Variants in RCAN2 observed in about 807,000 individuals in gnomAD.
The protein encoded by RCAN2 is regulator of calcineurin 2.
In RCAN2, 9 loss-of-function variants were observed where a neutral mutation model predicts 23.6. The ratio of observed to expected loss-of-function variants is 0.38; its 90% CI spans 0.23 to 0.67. RCAN2 has a LOEUF of 0.67. Ranked by LOEUF, RCAN2 falls within the 30% of genes least tolerant of loss-of-function variation. The pLI is 0.51. For missense variants in RCAN2, 273 were observed against 302.3 expected, an observed-to-expected ratio of 0.90 and a Z score of 0.72; for synonymous variants, 109 against 115.7, an observed-to-expected ratio of 0.94 and a Z score of 0.37.
At chr6:46,336,215 T>G (rs957281746) in intron 2 of RCAN2, among the ~76,000 whole-genome samples, 1 of 152,152 alleles carries the variant, frequency 6.6e-6, no homozygotes, top group Non-Finnish European at 1.5e-5. Context: ...AGAAATCAAC[T>G]TGGCTGAATT....
intron 1 of RCAN2, among the ~76,000 whole-genome samples, chr6:46,481,113 T>C (rs1040070331): frequency 6.6e-6 from 1 of 152,204 alleles, no homozygotes; most frequent in Non-Finnish European, 1.5e-5. Flanking sequence ...GCCATGGCGA[T>C]GAATGAGTAG....
intron 2 of RCAN2, among the ~76,000 whole-genome samples, chr6:46,304,222 C>G (rs1001239723): frequency 6.6e-6 from 1 of 152,044 alleles, no homozygotes; most frequent in Non-Finnish European, 1.5e-5. Context: ...GATATCTTCT[C>G]TTTTTGAAAT....
intron 2 of RCAN2, among the ~76,000 whole-genome samples, chr6:46,406,793 C>T (rs2150405864): frequency 6.6e-6 from 1 of 152,348 alleles, no homozygotes; most frequent in South Asian, 2.1e-4. Context: ...TAAACGACAG[C>T]CCTTTAATCC....
At chr6:46,252,988 A>T (rs1025342267) in intron 2 of RCAN2, among the ~76,000 whole-genome samples, 11 of 152,202 alleles carry the variant, frequency 7.2e-5, no homozygotes, top group Non-Finnish European at 1.6e-4. Flanking sequence ...TTTTATTAAG[A>T]TCCATTTATC....
Position 46,316,981 on chromosome 6 carries a change from A to C in RCAN2, c.226-68085T>G, listed in dbSNP as rs537051875. Among the ~76,000 whole-genome samples, 4 of 152,274 alleles carry C rather than the reference A, an allele frequency of 2.6e-5. No individual in the cohort carries two copies. The South Asian group carries it at 8.3e-4, about 32-fold the overall frequency. ...TTACCTTGGAGGTTTCCTGTGAAAA[A>C]GCTGAGTTTTGTATAATTTGGAAAG... is the stretch of plus-strand genomic sequence containing the variant. On this transcript the variant is annotated intron_variant, in intron 2 of 4. Coordinates refer to ENST00000371374, the MANE Select transcript of RCAN2 (RefSeq NM_001251974.2).
At chr6:46,328,991 C>A (rs1247511484) in intron 2 of RCAN2, among the ~76,000 whole-genome samples, 1 of 152,196 alleles carries the variant, frequency 6.6e-6, no homozygotes. Context: ...CCAATGGCTA[C>A]AAGGCCTTGT....
chr6:46,373,522 G>T (rs2150390060), intron 2 of RCAN2, among the ~76,000 whole-genome samples: 1 of 152,306 alleles, frequency 6.6e-6, no homozygotes, highest in East Asian at 1.9e-4. Context: ...CTCCTAAAGT[G>T]TTGGGATTAC....
Position 46,425,229 on chromosome 6 carries a change from T to C in RCAN2, c.225+31523A>G, listed in dbSNP as rs1048319162. On this transcript the variant is annotated intron_variant, in intron 2 of 4. Transcript: ENST00000371374. ...AGTTCTTTCATTTATGTGGATTATATCAGTGTGTATTTACTGTATTAAAAA... is the reference window on the plus strand; with the variant it reads ...AGTTCTTTCATTTATGTGGATTATACCAGTGTGTATTTACTGTATTAAAAA... 2.3e-4 allele frequency among the ~76,000 whole-genome samples: 35 copies of C among 152,220 alleles called. 1 individual carries two copies. Among genetic ancestry groups the C allele is most frequent in the Non-Finnish European group, 3.8e-4 (26 of 68,046 alleles).
At chr6:46,249,909 A>C (rs541975143) in intron 2 of RCAN2, among the ~76,000 whole-genome samples, 1 of 152,234 alleles carries the variant, frequency 6.6e-6, no homozygotes, top group African/African-American at 2.4e-5. Flanking sequence ...TGCCATAGCA[A>C]GGAAAAAAAA....
chr6:46,474,585 G>C (rs1768659742), intron 1 of RCAN2, among the ~76,000 whole-genome samples: 3 of 152,178 alleles, frequency 2.0e-5, no homozygotes, highest in Admixed American at 1.3e-4. Flanking sequence ...GGTACGTTTG[G>C]AAAGGAAGAG....
intron 1 of RCAN2, among the ~76,000 whole-genome samples, chr6:46,461,341 T>C (rs553334315): frequency 4.4e-4 from 67 of 152,338 alleles, no homozygotes; most frequent in African/African-American, 1.3e-3. Flanking sequence ...TGTCATAATT[T>C]AATCACTCTT....
intron 1 of RCAN2, among the ~76,000 whole-genome samples, chr6:46,487,387 A>G (rs1769023728): frequency 6.6e-6 from 1 of 152,224 alleles, no homozygotes; most frequent in African/African-American, 2.4e-5. Context: ...ATGATACTCA[A>G]CTAAGAGGTG....
intron 2 of RCAN2, among the ~76,000 whole-genome samples, chr6:46,373,721 T>G (rs1353527662): frequency 1.3e-5 from 2 of 152,164 alleles, no homozygotes; most frequent in African/African-American, 2.4e-5. Context: ...CTAGGGACAG[T>G]AGCAAACATA....
intron 2 of RCAN2, among the ~76,000 whole-genome samples, chr6:46,440,894 G>T (rs1767521990): frequency 6.6e-6 from 1 of 152,188 alleles, no homozygotes; most frequent in South Asian, 2.1e-4. Flanking sequence ...TAGTTTCCAT[G>T]TGGAAACTGA....
At chr6:46,491,074 A>G (rs1448492719) in intron 1 of RCAN2, 99 bp downstream of exon 1, 1 of 147,582 alleles carries the variant, frequency 6.8e-6, no homozygotes, top group African/African-American at 2.5e-5. Flanking sequence ...CGGAGACCAG[A>G]TCCCCGCCGC....
chr6:46,334,276 C>G (rs1288354500), intron 2 of RCAN2, among the ~76,000 whole-genome samples: 1 of 152,232 alleles, frequency 6.6e-6, no homozygotes, highest in African/African-American at 2.4e-5. Flanking sequence ...CCATGGAAAG[C>G]CAGCTCCTTG....
intron 1 of RCAN2, among the ~76,000 whole-genome samples, chr6:46,476,822 G>A (rs142023179): frequency 1.1e-4 from 16 of 152,260 alleles, no homozygotes; most frequent in Non-Finnish European, 2.2e-4. Context: ...AAAGCCCCTA[G>A]ATAACTGCAA....
chr6:46,473,761 T>A (rs1768633784), intron 1 of RCAN2, among the ~76,000 whole-genome samples: 2 of 152,238 alleles, frequency 1.3e-5, no homozygotes, highest in Non-Finnish European at 2.9e-5. Flanking sequence ...CAGGTCTGAA[T>A]AATATCCATG....
intron 1 of RCAN2, among the ~76,000 whole-genome samples, chr6:46,473,916 T>C (rs1350537569): frequency 1.3e-5 from 2 of 152,192 alleles, no homozygotes; most frequent in Non-Finnish European, 2.9e-5. Context: ...TATTTCTCTT[T>C]AAAATAACAT....
Sources: allele counts gnomAD v4.1 joint callset (sites outside exome capture counted in the v4.1 genomes callset), GRCh38; gene constraint gnomAD v4.1.1; transcripts MANE v1.5; gene names NCBI Gene and HGNC (gene_info 2026-07-23, HGNC 2026-07-21).